Variants in PLGRKT observed in about 807,000 individuals in gnomAD.
PLGRKT encodes the protein plasminogen receptor with a C-terminal lysine.
In PLGRKT, 22 loss-of-function variants were observed where a neutral mutation model predicts 18.5. The ratio of observed to expected loss-of-function variants is 1.19; its 90% CI spans 0.85 to 1.70. The LOEUF (loss-of-function observed/expected upper bound fraction) is 1.70. Ranked by LOEUF, PLGRKT falls within the 40% of genes most tolerant of loss-of-function variation. The probability of loss-of-function intolerance (pLI) is 0.00; values close to 1 mark genes in which losing one functional copy is unlikely to be tolerated. For synonymous variants in PLGRKT, 72 were observed against 52.8 expected, an observed-to-expected ratio of 1.36 and a Z score of -1.58; for missense variants, 235 against 174.4, an observed-to-expected ratio of 1.35 and a Z score of -1.96.
At chr9:5,380,147 G>A (rs1009194613) in intron 3 of PLGRKT, among the ~76,000 whole-genome samples, 2 of 152,024 alleles carry the variant, frequency 1.3e-5, no homozygotes, top group African/African-American at 4.8e-5. Flanking sequence ...GGCAGATCAC[G>A]AGGTCAGGAG....
intron 3 of PLGRKT, 79 bp from the exon 4 acceptor site, chr9:5,361,967 C>T (rs1371940951): frequency 1.1e-5 from 15 of 1,348,170 alleles, no homozygotes; most frequent in Middle Eastern, 1.8e-4. Flanking sequence ...GTTTTTCCAG[C>T]GGATTCATTC....
intron 2 of PLGRKT, among the ~76,000 whole-genome samples, chr9:5,432,989 C>T (rs971856488): frequency 2.7e-5 from 4 of 150,892 alleles, no homozygotes; most frequent in Admixed American, 1.3e-4. Flanking sequence ...TCTGCCCGGC[C>T]GCCACCCCGT....
At chr9:5,384,185 G>T (rs892559385) in intron 3 of PLGRKT, among the ~76,000 whole-genome samples, 3 of 152,178 alleles carry the variant, frequency 2.0e-5, no homozygotes, top group Non-Finnish European at 4.4e-5. Context: ...ATTGTTGGGG[G>T]AGATCCCCTA....
At chr9:5,386,001 T>G (rs1036537248) in intron 3 of PLGRKT, among the ~76,000 whole-genome samples, 1 of 151,776 alleles carries the variant, frequency 6.6e-6, no homozygotes, top group African/African-American at 2.4e-5. Context: ...CTTCATCTCA[T>G]GTAATGCAAT....
rs527688445 is a variant in PLGRKT at position 5,388,178 on chromosome 9, C to G, written c.82-26290G>C. Among the ~76,000 whole-genome samples the G allele has an allele frequency of 4.0e-4, 61 of 151,946 alleles. 2 individuals carry two copies. Among genetic ancestry groups the G allele is most frequent in the African/African-American group, 1.5e-3 (60 of 41,238 alleles). On this transcript the variant is annotated intron_variant, in intron 3 of 5. Transcript: ENST00000223864. ...ACAATGGCAATCTGAGCCACAGCCACTCCAGGAATGTGTAACAGTCAGGAA... is the reference window on the plus strand; with the variant it reads ...ACAATGGCAATCTGAGCCACAGCCAGTCCAGGAATGTGTAACAGTCAGGAA...
At chr9:5,394,760 A>G (rs900901701) in intron 3 of PLGRKT, among the ~76,000 whole-genome samples, 9 of 151,926 alleles carry the variant, frequency 5.9e-5, no homozygotes, top group African/African-American at 9.7e-5. Context: ...ACGTTCAAAT[A>G]TTGGATGCTA....
At chr9:5,358,867 T>C (rs1006079656) in intron 5 of PLGRKT, among the ~76,000 whole-genome samples, 1 of 152,216 alleles carries the variant, frequency 6.6e-6, no homozygotes, top group South Asian at 2.1e-4. Flanking sequence ...CACATCTTTA[T>C]AAACAATTCC....
intron 3 of PLGRKT, among the ~76,000 whole-genome samples, chr9:5,368,980 G>A (rs10975076): frequency 0.14 from 21,796 of 152,046 alleles, 1,812 homozygotes; most frequent in East Asian, 0.29. Context: ...AGAGTTATAC[G>A]TAAGACCTAA....
At chr9:5,382,030 C>A (rs967537186) in intron 3 of PLGRKT, 4 of 984,712 alleles carry the variant, frequency 4.1e-6, no homozygotes, top group East Asian at 1.1e-4. Context: ...AAAATGTGCA[C>A]CCTGAAAAAA....
rs78313843 is a variant in PLGRKT at position 5,373,948 on chromosome 9, G to A, written c.82-12060C>T. On this transcript the variant is annotated intron_variant, in intron 3 of 5. Transcript: ENST00000223864. ...GCCAGGCATTGGAGCCTTTTCCAGA[G>A]AGGGTCCCTCTTCAAATCCCATATT... Among the ~76,000 whole-genome samples the A allele has an allele frequency of 9.2e-5, 14 of 152,294 alleles. No homozygotes were observed. The East Asian group carries it at 2.7e-3, about 29-fold the overall frequency.
intron 3 of PLGRKT, among the ~76,000 whole-genome samples, chr9:5,403,866 G>C (rs1255489101): frequency 6.6e-6 from 1 of 152,104 alleles, no homozygotes; most frequent in African/African-American, 2.4e-5. Context: ...CTGTTCATAG[G>C]TTCCCCCTTA....
rs553316009 is a variant in PLGRKT at position 5,427,753 on chromosome 9, G to C, written c.81+4144C>G. 3.9e-5 allele frequency among the ~76,000 whole-genome samples: 6 copies of C among 152,270 alleles called. No individual in the cohort carries two copies. In the South Asian group the frequency reaches 1.2e-3, roughly 32 times the overall value. ...ACACTTTACATGCCCTGATAGTTTT[G>C]GTGGCAAATGTGAGATGCTCATAGA... On this transcript the variant is annotated intron_variant, in intron 3 of 5. Transcript: ENST00000223864.
intron 3 of PLGRKT, among the ~76,000 whole-genome samples, chr9:5,400,074 T>C (rs909217759): frequency 1.3e-5 from 2 of 151,922 alleles, no homozygotes; most frequent in Non-Finnish European, 2.9e-5. Flanking sequence ...TATTGTTATA[T>C]GTGCAAAAAA....
At chr9:5,359,579 T>C (rs1368355620) in intron 5 of PLGRKT, among the ~76,000 whole-genome samples, 1 of 152,230 alleles carries the variant, frequency 6.6e-6, no homozygotes, top group Non-Finnish European at 1.5e-5. Context: ...TCTCATCATG[T>C]GTTAAAAGAA....
chr9:5,391,872 A>G (rs1371658971), intron 3 of PLGRKT, among the ~76,000 whole-genome samples: 1 of 151,850 alleles, frequency 6.6e-6, no homozygotes, highest in African/African-American at 2.4e-5. Context: ...GGTAATTTAG[A>G]CGCACCTCCC....
Position 5,402,786 on chromosome 9 carries a change from T to A in PLGRKT, c.81+29111A>T, listed in dbSNP as rs183385228. ...GTTTAAATCAGTTTCAAAATTTTTATAAAGTGTAAAAGTAGGACAGCAAAA... is the reference window on the plus strand; with the variant it reads ...GTTTAAATCAGTTTCAAAATTTTTAAAAAGTGTAAAAGTAGGACAGCAAAA... On this transcript the variant is annotated intron_variant, in intron 3 of 5. Coordinates refer to ENST00000223864, the MANE Select transcript of PLGRKT (RefSeq NM_018465.4). 5.9e-5 allele frequency among the ~76,000 whole-genome samples: 9 copies of A among 152,106 alleles called. No individual in the cohort carries two copies. The East Asian group carries it at 1.7e-3, about 29-fold the overall frequency.
chr9:5,386,541 T>C (rs924712621), intron 3 of PLGRKT, among the ~76,000 whole-genome samples: 4 of 151,846 alleles, frequency 2.6e-5, no homozygotes, highest in Admixed American at 2.0e-4. Context: ...GTCAATAGTG[T>C]TGTGGTTGAG....
intron 3 of PLGRKT, among the ~76,000 whole-genome samples, chr9:5,399,086 C>A (rs1463771696): frequency 6.6e-6 from 1 of 151,546 alleles, no homozygotes; most frequent in Non-Finnish European, 1.5e-5. Context: ...TCCCACAATT[C>A]ATCTCTACCA....
chr9:5,415,888 T>C (rs1220047420), intron 3 of PLGRKT, among the ~76,000 whole-genome samples: 1 of 151,166 alleles, frequency 6.6e-6, no homozygotes, highest in Non-Finnish European at 1.5e-5. Context: ...TTAAATGTGA[T>C]GGGAGATCTT....
Sources: gnomAD v4.1 joint callset for allele counts (sites outside exome capture counted in the v4.1 genomes callset) on GRCh38, gnomAD v4.1.1 for gene constraint, MANE v1.5 for transcripts, NCBI Gene and HGNC (gene_info 2026-07-23, HGNC 2026-07-21) for gene names.